Variants in SLC7A14 observed in about 807,000 individuals in gnomAD.
SLC7A14 encodes the protein gamma-aminobutyric acid transporter SLC7A14.
A neutral mutation model predicts 60.2 loss-of-function variants in SLC7A14; 37 were observed. That is an observed-to-expected ratio of 0.61 (90% CI 0.47 to 0.81). The LOEUF (loss-of-function observed/expected upper bound fraction) is 0.81, where lower values mean the gene tolerates loss of function less well. Among genes scored for constraint, SLC7A14 ranks in the 30% least tolerant of loss-of-function variants. SLC7A14 has a pLI of 0.00. For missense variants in SLC7A14, 886 were observed against 982.7 expected (o/e 0.90, Z 1.32); for synonymous variants, 399 against 395.8 (o/e 1.01, Z -0.10).
chr3:170,580,562 C>T, intron 1 of SLC7A14, among the ~76,000 whole-genome samples: 1 of 152,192 alleles, frequency 6.6e-6, no homozygotes, highest in Admixed American at 6.5e-5. Context: ...GGCTTGAGGA[C>T]AGCAGGCTTG....
At chr3:170,483,627 C>T in intron 5 of SLC7A14, 105 bp from the exon 6 acceptor site, 1 of 1,249,318 alleles carries the variant, frequency 8.0e-7, no homozygotes, top group Non-Finnish European at 1.2e-6. Flanking sequence ...CAGAGGCTTG[C>T]ATGGCAGTTT....
chr3:170,487,694 G>A (rs1178222665), intron 4 of SLC7A14, among the ~76,000 whole-genome samples: 1 of 152,178 alleles, frequency 6.6e-6, no homozygotes, highest in Non-Finnish European at 1.5e-5. Flanking sequence ...TGTAAAATGA[G>A]CTGGTGTTTC....
chr3:170,560,141 T>C (rs773619095), intron 1 of SLC7A14, among the ~76,000 whole-genome samples: 7 of 152,194 alleles, frequency 4.6e-5, no homozygotes, highest in Non-Finnish European at 1.0e-4. Flanking sequence ...AATTCTATCA[T>C]TTTAAATTTA....
At chr3:170,486,808 G>T (rs60197250) in intron 4 of SLC7A14, among the ~76,000 whole-genome samples, 2,782 of 150,028 alleles carry the variant, frequency 0.019, 87 homozygotes, top group African/African-American at 0.064. Context: ...GGAGGCAGAG[G>T]TTGCAGTGAG....
At chr3:170,578,825 A>G (rs1715165530) in intron 1 of SLC7A14, among the ~76,000 whole-genome samples, 1 of 152,200 alleles carries the variant, frequency 6.6e-6, no homozygotes. Flanking sequence ...CTTGCAGGAT[A>G]TTGTACACTA....
Position 170,483,398 on chromosome 3 carries a change from G to A in SLC7A14, c.1031C>T (p.Ala344Val). ...AKFVVAIGSV[A>V]GLTVSLLGSL... is the part of the protein sequence containing the mutation. ...CCCCAGCAAGCTGACTGTCAGTCCT[G>A]CAACCGACCCAATGGCCACTACGAA... is the stretch of plus-strand genomic sequence containing the variant. Residue 344 changes from alanine to valine, a missense_variant, in exon 6 of 8, where the codon GCA (alanine) becomes GTA (valine). By Grantham distance (64) the Ala-to-Val change is moderately conservative. Transcript: ENST00000231706. 1 of 1,614,208 alleles carries A rather than the reference G, an allele frequency of 6.2e-7. No homozygotes were observed. The highest frequency in any genetic ancestry group is 8.5e-7 in the Non-Finnish European group (1 of 1,180,046).
At chr3:170,484,570 T>A (rs1188790026) in intron 5 of SLC7A14, among the ~76,000 whole-genome samples, 1 of 152,164 alleles carries the variant, frequency 6.6e-6, no homozygotes, top group Non-Finnish European at 1.5e-5. Flanking sequence ...CAAGAAGGGA[T>A]TCAAAGCCTG....
rs534092857 is a variant in SLC7A14, at chr3:170,463,921, A to G, written c.*3134T>C. The G allele has an allele frequency of 4.6e-5, 7 of 152,352 alleles. No homozygotes were observed. The highest frequency in any genetic ancestry group is 1.4e-4 in the African/African-American group (6 of 41,582). 9.4% of individuals were successfully genotyped at this position (152,352 alleles called of 1,614,324 possible). A position where few individuals can be genotyped will look rare whatever the true frequency, so the allele number is the denominator to read the frequency against. ...GGATTTTAATGATCTATGCTATTTC[A>G]AACCTCTACCTGCATGGGGAAAGAT... On this transcript the variant is annotated 3_prime_UTR_variant, in exon 8 of 8. Transcript: ENST00000231706.
At position 170,527,167 on chromosome 3, in the gene SLC7A14, A is replaced by T. The variant is rs1713535423; in HGVS notation, c.-152-79T>A. The T allele has an allele frequency of 5.2e-6, 3 of 572,218 alleles. No individual in the cohort carries two copies. The East Asian group carries it at 8.9e-5, about 17-fold the overall frequency. The allele number at this position is 572,218 out of a possible 1,614,324, so 35.4% of individuals were successfully genotyped here. A position where few individuals can be genotyped will look rare whatever the true frequency, so the allele number is the denominator to read the frequency against. On this transcript the variant is annotated intron_variant, in intron 1 of 7. Transcript: ENST00000231706. ...TGACTTGCGGGGATGGTTGGAGGTT[A>T]ATGTCCTGAACTGGTAGAACTGGTC...
chr3:170,556,926 C>T (rs1046483276), intron 1 of SLC7A14, among the ~76,000 whole-genome samples: 1 of 152,170 alleles, frequency 6.6e-6, no homozygotes, highest in African/African-American at 2.4e-5. Flanking sequence ...TCATCACAAC[C>T]TTTGTAACAG....
At chr3:170,524,680 C>A (rs1713439039) in intron 2 of SLC7A14, among the ~76,000 whole-genome samples, 1 of 152,160 alleles carries the variant, frequency 6.6e-6, no homozygotes, top group Admixed American at 6.5e-5. Context: ...GTCAATTTCT[C>A]TGTCAAAAAA....
intron 1 of SLC7A14, among the ~76,000 whole-genome samples, chr3:170,574,230 G>C (rs1292796646): frequency 6.6e-6 from 1 of 152,110 alleles, no homozygotes; most frequent in Non-Finnish European, 1.5e-5. Flanking sequence ...ATGTATAAAT[G>C]GAAAATTTTA....
intron 1 of SLC7A14, among the ~76,000 whole-genome samples, chr3:170,584,657 C>G (rs1181903717): frequency 6.6e-6 from 1 of 152,168 alleles, no homozygotes; most frequent in Non-Finnish European, 1.5e-5. Flanking sequence ...AGTTTCTGCT[C>G]GCAGGGAATG....
chr3:170,547,347 C>A (rs984667678), intron 1 of SLC7A14, among the ~76,000 whole-genome samples: 2 of 152,162 alleles, frequency 1.3e-5, no homozygotes, highest in African/African-American at 4.8e-5. Context: ...GGGGTGCCAA[C>A]CCCTGTGCAG....
intron 1 of SLC7A14, among the ~76,000 whole-genome samples, chr3:170,584,425 AG>A (rs560632870): frequency 3.4e-4 from 52 of 152,344 alleles, no homozygotes; most frequent in African/African-American, 1.2e-3. Context: ...CTTTACCGAC[AG>A]GAAGTCTCAC....
intron 1 of SLC7A14, among the ~76,000 whole-genome samples, chr3:170,576,620 G>C (rs1005306855): frequency 2.0e-5 from 3 of 152,216 alleles, no homozygotes; most frequent in Non-Finnish European, 2.9e-5. Context: ...TCACCTGTGG[G>C]TGGAGATGAA....
At chr3:170,518,555 C>T (rs1713240916) in intron 2 of SLC7A14, among the ~76,000 whole-genome samples, 1 of 152,148 alleles carries the variant, frequency 6.6e-6, no homozygotes, top group South Asian at 2.1e-4. Context: ...CACTGTATTA[C>T]TAAAGTACAT....
At chr3:170,549,035 A>G (rs975725844) in intron 1 of SLC7A14, among the ~76,000 whole-genome samples, 2 of 152,186 alleles carry the variant, frequency 1.3e-5, no homozygotes, top group African/African-American at 4.8e-5. Context: ...AAATAAATAA[A>G]TGAATAGACA....
chr3:170,551,066 A>G (rs998322203), intron 1 of SLC7A14, among the ~76,000 whole-genome samples: 2 of 151,730 alleles, frequency 1.3e-5, no homozygotes, highest in East Asian at 3.9e-4. Context: ...TCCTCCCCCA[A>G]CTCCTGGTAA....
Sources: allele counts gnomAD v4.1 joint callset (sites outside exome capture counted in the v4.1 genomes callset), GRCh38; gene constraint gnomAD v4.1.1; transcripts MANE v1.5; gene names NCBI Gene and HGNC (gene_info 2026-07-23, HGNC 2026-07-21).